CCDC22: variants seen among roughly 807,000 people sequenced by gnomAD.
CCDC22 encodes coiled-coil domain-containing protein 22.
In CCDC22, 4 loss-of-function variants were observed where a neutral mutation model predicts 53.1. That is an observed-to-expected ratio of 0.08 (90% CI 0.04 to 0.17). The LOEUF is 0.17. CCDC22 is among the 10% of genes least tolerant of loss of function. The pLI is 1.00. For synonymous variants in CCDC22, 222 were observed against 224.4 expected (o/e 0.99, Z 0.10); for missense variants, 458 against 554.0 (o/e 0.83, Z 1.74).
Position 49,248,199 on chromosome X carries a change from T to C in CCDC22, c.1101T>C (p.Ser367=). Residue 367 remains serine, a synonymous_variant, in exon 10 of 17, where the codon TCT becomes TCC. Transcript: ENST00000376227. ...TLGVSFVQAE[S]ECRHSKLSTA... ...GGGTATCCACCGGCCAGGCAGAGTC[T>C]GAGTGCCGGCACAGCAAGCTCAGTA... is the stretch of plus-strand genomic sequence containing the variant. The C allele has an allele frequency of 8.3e-7, 1 of 1,202,945 alleles. No homozygotes were observed. The highest frequency in any genetic ancestry group is 1.7e-5 in the African/African-American group (1 of 57,766).
chrX:49,237,239 C>A lies in CCDC22; in HGVS notation c.204C>A (p.Ala68=), dbSNP rs2065942326. The A allele has an allele frequency of 8.3e-7, 1 of 1,208,825 alleles. No individual in the cohort carries two copies. The highest frequency in any genetic ancestry group is 2.2e-5 in the Admixed American group (1 of 45,914). ...CCATGTCTGCCCGGTTCCGCCTGGC[C>A]ATGAGCCTGGCTCAGGCCTGCATGG... The part of the protein sequence containing the change: ...PLAMSARFRL[A]MSLAQACMDL... The change falls in exon 2 of 17, where the codon GCC becomes GCA. Residue 68 remains alanine, a synonymous_variant. Transcript: ENST00000376227.
In CCDC22 at chrX:49,247,616, A is replaced by G. The variant is rs782251426; in HGVS notation, c.973-33A>G. Reference sequence around the variant, plus strand: ...GGCCCTTGCTTGTCTACTGGGCCTGACACCCCAACCCTGACTGGCCTGGGC... The same window carrying G: ...GGCCCTTGCTTGTCTACTGGGCCTGGCACCCCAACCCTGACTGGCCTGGGC... On this transcript the variant is annotated intron_variant, in intron 8 of 16. Transcript: ENST00000376227. 5.1e-6 allele frequency: 6 copies of G among 1,183,991 alleles called. No individual in the cohort carries two copies. In the African/African-American group the frequency reaches 8.8e-5, roughly 17 times the overall value.
chrX:49,247,176 G>A (rs1476340854), intron 7 of CCDC22: 1 of 434,880 alleles, frequency 2.3e-6, no homozygotes, highest in African/African-American at 2.5e-5. Flanking sequence ...CTTTCCTCAG[G>A]CAGTTTCCTT....
intron 2 of CCDC22, among the ~76,000 whole-genome samples, chrX:49,240,894 A>G (rs782056724): frequency 4.4e-5 from 5 of 112,629 alleles, no homozygotes; most frequent in Admixed American, 9.4e-5. Context: ...TCCAAAATAA[A>G]TATATCTTGC....
rs1557115278 is a variant in CCDC22, at chrX:49,250,448, G to A, written c.*187G>A. 2 of 504,225 alleles carry A rather than the reference G, an allele frequency of 4.0e-6. No homozygotes were observed. The highest frequency in any genetic ancestry group is 3.3e-4 in the Middle Eastern group (1 of 3,062). 41.6% of individuals were successfully genotyped at this position (504,225 alleles called of 1,213,427 possible). A position where few individuals can be genotyped will look rare whatever the true frequency, so the allele number is the denominator to read the frequency against. On this transcript the variant is annotated 3_prime_UTR_variant, in exon 17 of 17. Transcript: ENST00000376227. The stretch of plus-strand genomic sequence containing the variant: ...TGATAGTCCAGCATGTGGGGAGCTC[G>A]GCTGCAGTTTATTGGGGACGGTACT...
At chrX:49,237,059 T>C (rs1023501478) in intron 1 of CCDC22, 27 bp from the exon 2 acceptor site, 7 of 1,192,157 alleles carry the variant, frequency 5.9e-6, no homozygotes, top group Non-Finnish European at 8.0e-6. Flanking sequence ...TGACTATTCC[T>C]GCGATCAAGC....
chrX:49,248,016 C>A (rs2065999763), intron 9 of CCDC22, among the ~76,000 whole-genome samples, 175 bp from the exon 10 acceptor site: 1 of 110,497 alleles, frequency 9.1e-6, no homozygotes, highest in Non-Finnish European at 1.9e-5. Context: ...CTCGGAGGGT[C>A]TGTGGGCATC....
At chrX:49,249,078 C>T in intron 13 of CCDC22, 89 bp from the exon 14 acceptor site, 1 of 1,121,952 alleles carries the variant, frequency 8.9e-7, no homozygotes. Context: ...GACACAGTGA[C>T]ACAGTCCCTG....
rs1557114670 is a variant in CCDC22 at position 49,248,285 on chromosome X, G to T, written c.1187G>T (p.Gly396Val). 3 of 1,201,288 alleles carry T rather than the reference G, an allele frequency of 2.5e-6. No individual in the cohort carries two copies. The Admixed American group carries it at 6.6e-5, about 26-fold the overall frequency. ...CGCGCGGTGGAGCTGCTGCCCGATG[G>T]GACTGCCAACCTTGCCAAGCTGCAG... The part of the protein sequence containing the change: ...KSRAVELLPD[G>V]TANLAKLQLV... The change falls in exon 10 of 17, where the codon GGG becomes GTG. Residue 396 changes from glycine to valine, a missense_variant. By Grantham distance (109) the Gly-to-Val change is moderately radical. Transcript: ENST00000376227.
intron 9 of CCDC22, among the ~76,000 whole-genome samples, 183 bp from the exon 10 acceptor site, chrX:49,248,008 C>T (rs2065999716): frequency 9.1e-6 from 1 of 109,641 alleles, no homozygotes; most frequent in Non-Finnish European, 1.9e-5. Flanking sequence ...GAGGGGTCCT[C>T]GGAGGGTCTG....
intron 6 of CCDC22, among the ~76,000 whole-genome samples, chrX:49,246,465 C>A (rs1315034146): frequency 9.0e-6 from 1 of 111,698 alleles, no homozygotes; most frequent in Non-Finnish European, 1.9e-5. Flanking sequence ...TCTAGGCCCA[C>A]CCCCCTCTCT....
rs1474248873 is a variant in CCDC22, at chrX:49,238,057, CTTTTCTTTTCTTT to C, written c.228+804_228+816del. Among the ~76,000 whole-genome samples, 7 of 103,646 alleles carry C rather than the reference CTTTTCTTTTCTTT, an allele frequency of 6.8e-5. No individual in the cohort carries two copies. In the Admixed American group the frequency reaches 7.2e-4, roughly 11 times the overall value. The allele number at this position is 103,646 out of a possible 115,157, so 90.0% of individuals were successfully genotyped here. A position where few individuals can be genotyped will look rare whatever the true frequency, so the allele number is the denominator to read the frequency against. On this transcript the variant is annotated intron_variant, in intron 2 of 16. Coordinates refer to ENST00000376227, the MANE Select transcript of CCDC22 (RefSeq NM_014008.5). The stretch of plus-strand genomic sequence containing the variant: ...ACAGGAGTGAGCCACCGTGCCCAGC[CTTTTCTTTTCTTT>C]TTTTCTTTTTTTTTTTTTTTTGATG...
At chrX:49,243,502 G>C in intron 6 of CCDC22, 40 bp downstream of exon 6, 1 of 1,039,274 alleles carries the variant, frequency 9.6e-7, no homozygotes, top group Non-Finnish European at 1.3e-6. Context: ...CTGGGCTGCT[G>C]CTCACTGACA....
Position 49,243,308 on chromosome X carries a change from C to G in CCDC22, c.560C>G (p.Pro187Arg). ...RGEPREFQASPLLLPVPTQVP... is the reference protein window; with the variant it reads ...RGEPREFQASRLLLPVPTQVP... ...GAGCCACGGGAGTTCCAGGCGAGTCCCCTGCTGCTTCCAGTCCCTACCCAG... is the reference window on the plus strand; with the variant it reads ...GAGCCACGGGAGTTCCAGGCGAGTCGCCTGCTGCTTCCAGTCCCTACCCAG... Residue 187 changes from proline (P) to arginine (R), a missense_variant, in exon 6 of 17, where the codon CCC (proline) becomes CGC (arginine). Transcript: ENST00000376227. 1 of 1,203,377 alleles carries G rather than the reference C, an allele frequency of 8.3e-7. No individual in the cohort carries two copies. The highest frequency in any genetic ancestry group is 1.1e-6 in the Non-Finnish European group (1 of 890,945).
At chrX:49,236,388 A>G (rs782701242) in intron 1 of CCDC22, among the ~76,000 whole-genome samples, 29 of 109,208 alleles carry the variant, frequency 2.7e-4, no homozygotes, top group South Asian at 2.0e-3. Flanking sequence ...TTGTATTTTT[A>G]GCAGAGACAG....
chrX:49,249,615 G>GGGGGGC, intron 15 of CCDC22, 36 bp from the exon 16 acceptor site: 1 of 406,800 alleles, frequency 2.5e-6, no homozygotes, highest in Non-Finnish European at 4.5e-6. Context: ...GGGTGGGTGG[G>GGGGGGC]ACTGGGTGCA....
At chrX:49,235,807 C>A in intron 1 of CCDC22, 121 bp downstream of exon 1, 3 of 465,762 alleles carry the variant, frequency 6.4e-6, no homozygotes, top group Admixed American at 3.4e-5. Context: ...ACTCCAGGAT[C>A]CTAAGACCCT....
chrX:49,249,045 C>T (rs1557114893), intron 13 of CCDC22, 121 bp downstream of exon 13: 1 of 1,117,951 alleles, frequency 8.9e-7, no homozygotes, highest in African/African-American at 1.8e-5. Flanking sequence ...AATAGTCACA[C>T]ACAATCCATC....
chrX:49,235,855 A>ACACG (rs2065935107), intron 1 of CCDC22, among the ~76,000 whole-genome samples, 169 bp downstream of exon 1: 1 of 106,315 alleles, frequency 9.4e-6, no homozygotes, highest in Non-Finnish European at 2.0e-5. Context: ...ACACACACAC[A>ACACG]CACACACACG....
Sources: gnomAD v4.1 joint callset for allele counts (sites outside exome capture counted in the v4.1 genomes callset) on GRCh38, gnomAD v4.1.1 for gene constraint, MANE v1.5 for transcripts, NCBI Gene and HGNC (gene_info 2026-07-23, HGNC 2026-07-21) for gene names.